The following SCN11A variants were observed in gnomAD, a reference collection of about 807,000 sequenced individuals.
SCN11A encodes the protein sodium voltage-gated channel alpha subunit 11.
Under a neutral mutation model 162.2 loss-of-function variants are expected in SCN11A, and 122 were observed. The ratio of observed to expected loss-of-function variants is 0.75; its 90% CI spans 0.65 to 0.87. SCN11A has a LOEUF of 0.87. Ranked by LOEUF, SCN11A falls within the 40% of genes least tolerant of loss-of-function variation. SCN11A has a pLI of 0.00. For missense variants in SCN11A, 2,015 were observed against 2,181.6 expected (o/e 0.92, Z 1.52); for synonymous variants, 758 against 751.5 (o/e 1.01, Z -0.14).
At chr3:38,854,566 C>T (rs1340631031) in intron 28 of SCN11A, among the ~76,000 whole-genome samples, 1 of 152,196 alleles carries the variant, frequency 6.6e-6, no homozygotes, top group Non-Finnish European at 1.5e-5. Context: ...TCAAGAACCA[C>T]CGCAGGAACG....
intron 7 of SCN11A, among the ~76,000 whole-genome samples, chr3:38,938,221 G>A (rs2066368334): frequency 6.6e-6 from 1 of 151,826 alleles, no homozygotes; most frequent in African/African-American, 2.4e-5. Flanking sequence ...CACACTCTGG[G>A]GACTGTTGTG....
intron 8 of SCN11A, 40 bp from the exon 9 acceptor site, chr3:38,925,549 T>C (rs781173059): frequency 7.1e-7 from 1 of 1,399,696 alleles, no homozygotes; most frequent in Non-Finnish European, 1.0e-6. Context: ...GCTTGCTCAG[T>C]CCTGCAGCTG....
intron 11 of SCN11A, among the ~76,000 whole-genome samples, chr3:38,911,516 C>T (rs2065887755): frequency 6.6e-6 from 1 of 152,068 alleles, no homozygotes; most frequent in South Asian, 2.1e-4. Context: ...GTGTTGGGTA[C>T]TTTCTGGAGC....
chr3:38,898,893 C>T (rs537838365), intron 17 of SCN11A, among the ~76,000 whole-genome samples: 19 of 152,108 alleles, frequency 1.2e-4, no homozygotes, highest in African/African-American at 4.3e-4. Context: ...CACAGATTTC[C>T]GTGCATTAGA....
intron 19 of SCN11A, among the ~76,000 whole-genome samples, chr3:38,889,852 TAAAATAAAATAAAATAAAG>T (rs1449288121): frequency 2.8e-5 from 3 of 108,892 alleles, no homozygotes; most frequent in African/African-American, 1.1e-4. Context: ...TAAAATAAAA[TAAAATAAAATAAAATAAAG>T]AAATAAATGC....
At chr3:38,936,918 A>G (rs1283576469) in intron 7 of SCN11A, among the ~76,000 whole-genome samples, 1 of 152,138 alleles carries the variant, frequency 6.6e-6, no homozygotes, top group East Asian at 1.9e-4. Context: ...CACCAAGTCA[A>G]TCCTAAGCCA....
intron 7 of SCN11A, among the ~76,000 whole-genome samples, chr3:38,943,291 A>T (rs755591870): frequency 6.6e-6 from 1 of 152,196 alleles, no homozygotes; most frequent in African/African-American, 2.4e-5. Context: ...AATGACAGAA[A>T]TGAGATCGAT....
At chr3:38,933,666 T>A (rs2066281067) in intron 7 of SCN11A, among the ~76,000 whole-genome samples, 1 of 151,724 alleles carries the variant, frequency 6.6e-6, no homozygotes, top group Admixed American at 6.6e-5. Flanking sequence ...AGAAGGGAAG[T>A]TTAGAGAAAA....
At chr3:38,893,452 G>C (rs1273639854) in intron 19 of SCN11A, among the ~76,000 whole-genome samples, 1 of 152,100 alleles carries the variant, frequency 6.6e-6, no homozygotes, top group Non-Finnish European at 1.5e-5. Flanking sequence ...AGAAATGAAT[G>C]AATAACAACT....
In SCN11A at chr3:38,846,805, G is replaced by T; in HGVS notation, c.5265C>A (p.Asp1755Glu). 6.2e-7 allele frequency: 1 copy of T among 1,614,006 alleles called. No homozygotes were observed. The highest frequency in any genetic ancestry group is 1.6e-4 in the Middle Eastern group (1 of 6,062). ...TTTCCAAGTCATTTTGGTCACCTTG[G>T]TCACCCTTGGTCACCTTCATCATGT... Reference protein sequence around the residue: ...RKYMMKVTKGDQGDQNDLENG... With the variant: ...RKYMMKVTKGEQGDQNDLENG... The change falls in exon 30 of 30, where the codon GAC becomes GAA. Residue 1755 changes from aspartate to glutamate, a missense_variant. Coordinates refer to ENST00000302328, the MANE Select transcript of SCN11A (RefSeq NM_001349253.2).
At chr3:38,870,087 G>A (rs2065100331) in intron 26 of SCN11A, among the ~76,000 whole-genome samples, 1 of 152,098 alleles carries the variant, frequency 6.6e-6, no homozygotes, top group Non-Finnish European at 1.5e-5. Context: ...CTATGGCTTT[G>A]GGAAACTCTT....
At chr3:38,931,832 C>T (rs1016522539) in intron 7 of SCN11A, among the ~76,000 whole-genome samples, 1 of 152,200 alleles carries the variant, frequency 6.6e-6, no homozygotes, top group African/African-American at 2.4e-5. Context: ...GCCTTAGAAA[C>T]AGTAAGTCAT....
chr3:38,929,111 G>C (rs2066192416), intron 7 of SCN11A, among the ~76,000 whole-genome samples: 1 of 139,562 alleles, frequency 7.2e-6, no homozygotes, highest in African/African-American at 2.7e-5. Context: ...TTCCCACACT[G>C]TCAAAAATAC....
chr3:38,869,069 G>C (rs1415747663), intron 26 of SCN11A, among the ~76,000 whole-genome samples: 1 of 152,156 alleles, frequency 6.6e-6, no homozygotes, highest in East Asian at 1.9e-4. Flanking sequence ...CAATATTTGA[G>C]GCCAGCAGAG....
chr3:39,040,871 G>A (rs147524927), intron 1 of SCN11A, among the ~76,000 whole-genome samples: 2,182 of 152,160 alleles, frequency 0.014, 20 homozygotes, highest in Non-Finnish European at 0.018. Context: ...GAGGTCAGGA[G>A]ATCGAGACCA....
At chr3:38,858,431 A>G (rs1210617186) in intron 28 of SCN11A, among the ~76,000 whole-genome samples, 1 of 152,166 alleles carries the variant, frequency 6.6e-6, no homozygotes, top group South Asian at 2.1e-4. Flanking sequence ...GAGGGACATT[A>G]TATAATGATA....
intron 23 of SCN11A, among the ~76,000 whole-genome samples, chr3:38,876,389 A>G (rs928893912): frequency 1.3e-5 from 2 of 152,246 alleles, no homozygotes; most frequent in Admixed American, 6.5e-5. Flanking sequence ...GCTTCTGCAC[A>G]GCAAAAGAAA....
chr3:39,024,526 C>G (rs2031536137), intron 2 of SCN11A, among the ~76,000 whole-genome samples: 1 of 152,172 alleles, frequency 6.6e-6, no homozygotes, highest in Non-Finnish European at 1.5e-5. Flanking sequence ...TGAGACTAGC[C>G]ATACAAACTA....
At chr3:38,871,995 T>C (rs534992355) in intron 24 of SCN11A, among the ~76,000 whole-genome samples, 198 bp downstream of exon 24, 5 of 152,184 alleles carry the variant, frequency 3.3e-5, no homozygotes, top group Non-Finnish European at 7.3e-5. Flanking sequence ...CAGCTCATCT[T>C]GGCTGTCACA....
Sources: allele counts gnomAD v4.1 joint callset (sites outside exome capture counted in the v4.1 genomes callset), GRCh38; gene constraint gnomAD v4.1.1; transcripts MANE v1.5; gene names NCBI Gene and HGNC (gene_info 2026-07-23, HGNC 2026-07-21).